Variants in SMYD3 observed in about 807,000 individuals in gnomAD.
The protein encoded by SMYD3 is histone-lysine N-methyltransferase SMYD3.
SMYD3 carries 36 observed loss-of-function variants against 57.7 expected under a neutral mutation model. That is an observed-to-expected ratio of 0.62 (90% CI 0.48 to 0.82). The LOEUF is 0.82. Ranked by LOEUF, SMYD3 falls within the 40% of genes least tolerant of loss-of-function variation. The probability of loss-of-function intolerance (pLI) is 0.00; values close to 1 mark genes in which losing one functional copy is unlikely to be tolerated. For synonymous variants in SMYD3, 211 were observed against 195.0 expected (o/e 1.08, Z -0.68); for missense variants, 515 against 538.8 (o/e 0.96, Z 0.44).
intron 10 of SMYD3, among the ~76,000 whole-genome samples, chr1:245,827,815 G>A (rs1388991183): frequency 1.3e-5 from 2 of 152,150 alleles, no homozygotes; most frequent in Non-Finnish European, 2.9e-5. Context: ...CCAGAGATGT[G>A]AGGTCACTCA....
At chr1:246,348,418 A>G (rs1200104805) in intron 2 of SMYD3, among the ~76,000 whole-genome samples, 1 of 151,244 alleles carries the variant, frequency 6.6e-6, no homozygotes, top group Non-Finnish European at 1.5e-5. Flanking sequence ...TCTGTCTCGG[A>G]AAAAAAAATA....
intron 10 of SMYD3, among the ~76,000 whole-genome samples, chr1:245,803,924 T>TC: frequency 6.6e-6 from 1 of 151,156 alleles, no homozygotes; most frequent in Admixed American, 6.6e-5. Flanking sequence ...TTTTTTTTTT[T>TC]TTTTTTTGAG....
At chr1:246,282,763 G>A (rs1320952899) in intron 5 of SMYD3, among the ~76,000 whole-genome samples, 1 of 152,148 alleles carries the variant, frequency 6.6e-6, no homozygotes, top group Non-Finnish European at 1.5e-5. Flanking sequence ...TTCAACATAT[G>A]TTATGGGGAA....
At chr1:246,126,077 A>G (rs1029347438) in intron 5 of SMYD3, among the ~76,000 whole-genome samples, 11 of 152,196 alleles carry the variant, frequency 7.2e-5, no homozygotes, top group African/African-American at 2.7e-4. Flanking sequence ...GAATAATTCC[A>G]GAGCACTAAG....
At chr1:245,945,989 A>G (rs979518647) in intron 5 of SMYD3, among the ~76,000 whole-genome samples, 5 of 152,330 alleles carry the variant, frequency 3.3e-5, no homozygotes, top group Admixed American at 2.6e-4. Context: ...GAACATCAGC[A>G]TAAATAGCTA....
rs539505385 is a variant in SMYD3 at position 245,907,316 on chromosome 1, T to C, written c.813+8214A>G. Among the ~76,000 whole-genome samples, 9 of 152,298 alleles carry C rather than the reference T, an allele frequency of 5.9e-5. No homozygotes were observed. In the East Asian group the frequency reaches 1.3e-3, roughly 23 times the overall value. The stretch of plus-strand genomic sequence containing the variant: ...CACATTGCATCCTTGTATCAAAACA[T>C]CTCATGTACTCCATAAATATATGCC... On this transcript the variant is annotated intron_variant, in intron 8 of 11. Coordinates refer to ENST00000490107, the MANE Select transcript of SMYD3 (RefSeq NM_001167740.2).
chr1:246,186,237 A>C (rs2062638058), intron 5 of SMYD3, among the ~76,000 whole-genome samples: 1 of 152,234 alleles, frequency 6.6e-6, no homozygotes, highest in Non-Finnish European at 1.5e-5. Context: ...TTTTTAAAAG[A>C]ATTCAAAGAA....
intron 5 of SMYD3, among the ~76,000 whole-genome samples, chr1:246,037,567 C>T (rs976292705): frequency 2.6e-5 from 4 of 152,208 alleles, no homozygotes; most frequent in Non-Finnish European, 4.4e-5. Flanking sequence ...CAGCCTTCTT[C>T]GGATGACCCA....
At chr1:245,893,805 T>C (rs1300452154) in intron 8 of SMYD3, among the ~76,000 whole-genome samples, 1 of 152,190 alleles carries the variant, frequency 6.6e-6, no homozygotes, top group Admixed American at 6.5e-5. Flanking sequence ...TATCCAAGTT[T>C]GTAGAACTGT....
In SMYD3 at chr1:246,499,658, G is replaced by A. The variant is rs140844000; in HGVS notation, c.164+7396C>T. On this transcript the variant is annotated intron_variant, in intron 1 of 11. Transcript: ENST00000490107. ...TTTAGTAGAGACGGGGTTTCGCTAC[G>A]TTGGCCAGGCTGGTCTCAAACTCCT... Among the ~76,000 whole-genome samples the A allele has an allele frequency of 3.2e-3, 482 of 152,150 alleles. 3 individuals carry two copies. Among genetic ancestry groups the A allele is most frequent in the African/African-American group, 0.011 (457 of 41,496 alleles).
intron 9 of SMYD3, among the ~76,000 whole-genome samples, 177 bp downstream of exon 9, chr1:245,863,622 T>G (rs2051670824): frequency 6.6e-6 from 1 of 152,172 alleles, no homozygotes. Flanking sequence ...CGAACTTCCT[T>G]GTCATTACTC....
At chr1:246,280,371 GT>G (rs1423332989) in intron 5 of SMYD3, among the ~76,000 whole-genome samples, 1 of 152,202 alleles carries the variant, frequency 6.6e-6, no homozygotes, top group Non-Finnish European at 1.5e-5. Flanking sequence ...AGTTAGTGGA[GT>G]AAATCGGTTT....
chr1:245,755,836 T>A (rs2095958), intron 11 of SMYD3, among the ~76,000 whole-genome samples: 10,705 of 152,082 alleles, frequency 0.07, 1,260 homozygotes, highest in African/African-American at 0.24. Flanking sequence ...TAAAAATCTG[T>A]TCTACTAATC....
intron 8 of SMYD3, among the ~76,000 whole-genome samples, chr1:245,884,806 C>CTCTGTAAAATGGACCAATCAGCAT: frequency 1.3e-5 from 2 of 151,432 alleles, no homozygotes; most frequent in African/African-American, 2.4e-5. Flanking sequence ...CCAATCAGCA[C>CTCTGTAAAATGGACCAATCAGCAT]TCTGTAAAAT....
chr1:245,798,168 G>A (rs2047635498), intron 10 of SMYD3, among the ~76,000 whole-genome samples: 1 of 151,672 alleles, frequency 6.6e-6, no homozygotes, highest in African/African-American at 2.4e-5. Context: ...ATTCTGCACT[G>A]AGCTGCTGCA....
chr1:246,061,136 C>G (rs12132524), intron 5 of SMYD3, among the ~76,000 whole-genome samples: 1 of 151,740 alleles, frequency 6.6e-6, no homozygotes, highest in Admixed American at 6.6e-5. Flanking sequence ...GGCAGGAGAA[C>G]GGCATGAACC....
chr1:246,032,840 G>A (rs1297015882), intron 5 of SMYD3, among the ~76,000 whole-genome samples: 2 of 152,166 alleles, frequency 1.3e-5, no homozygotes, highest in African/African-American at 2.4e-5. Flanking sequence ...TAGATTTGGA[G>A]AGTTCAGGCA....
intron 1 of SMYD3, among the ~76,000 whole-genome samples, chr1:246,442,386 T>C (rs1441032172): frequency 2.6e-5 from 4 of 151,828 alleles, no homozygotes; most frequent in Admixed American, 6.6e-5. Flanking sequence ...CCGCCTCTAC[T>C]AAAAATACAA....
At chr1:246,117,960 T>C (rs549245655) in intron 5 of SMYD3, among the ~76,000 whole-genome samples, 2 of 152,272 alleles carry the variant, frequency 1.3e-5, no homozygotes, top group Admixed American at 6.5e-5. Context: ...TCATCACACA[T>C]AGTACAAACA....
Sources: allele counts gnomAD v4.1 joint callset (sites outside exome capture counted in the v4.1 genomes callset), GRCh38; gene constraint gnomAD v4.1.1; transcripts MANE v1.5; gene names NCBI Gene and HGNC (gene_info 2026-07-23, HGNC 2026-07-21).